LRPAP1: variants seen among roughly 807,000 people sequenced by gnomAD.
LRPAP1 encodes the protein alpha-2-macroglobulin receptor-associated protein.
A neutral mutation model predicts 39.9 loss-of-function variants in LRPAP1; 41 were observed. That is an observed-to-expected ratio of 1.03 (90% CI 0.80 to 1.33). LRPAP1 has a LOEUF of 1.33. LRPAP1 is among the 40% of genes most tolerant of loss of function. The pLI, the probability that LRPAP1 is intolerant of heterozygous loss-of-function variation, is 0.00. For missense variants in LRPAP1, 565 were observed against 482.3 expected (o/e 1.17, Z -1.61); for synonymous variants, 263 against 212.7 (o/e 1.24, Z -2.06).
chr4:3,532,028 C>T, intron 1 of LRPAP1, 181 bp downstream of exon 1: 1 of 681,258 alleles, frequency 1.5e-6, no homozygotes, highest in Non-Finnish European at 2.4e-6. Flanking sequence ...TTTCCTGCTG[C>T]AGAAGGGGTC....
chr4:3,529,877 GAT>G (rs1730197238), intron 1 of LRPAP1, among the ~76,000 whole-genome samples: 1 of 152,200 alleles, frequency 6.6e-6, no homozygotes, highest in African/African-American at 2.4e-5. Context: ...ACAGGGACAC[GAT>G]GTTTTCATGA....
In LRPAP1 at chr4:3,532,399, CT is replaced by C; in HGVS notation, c.13del (p.Arg5GlyfsTer55). 2 of 1,576,198 alleles carry C rather than the reference CT, an allele frequency of 1.3e-6. No individual in the cohort carries two copies. Among genetic ancestry groups the C allele is most frequent in the Non-Finnish European group, 1.7e-6 (2 of 1,162,352 alleles). On this transcript the variant is annotated frameshift_variant, in exon 1 of 8. Coordinates refer to ENST00000650182, the MANE Select transcript of LRPAP1 (RefSeq NM_002337.4). LOFTEE classifies it high-confidence loss of function. ...GAGCCCGCGCAGAAACGACCTGACC[CT>C]CCGCGGCGCCATCTTCCTCTGCGAC... MAPR[R>X]VRSFLRGLPA... is the part of the protein sequence containing the mutation.
At position 3,525,025 on chromosome 4, in the gene LRPAP1, G is replaced by C. The variant is rs377473977; in HGVS notation, c.231C>G (p.Ala77=). The C allele has an allele frequency of 6.6e-5, 107 of 1,613,890 alleles. No individual in the cohort carries two copies. Among genetic ancestry groups the C allele is most frequent in the Middle Eastern group, 1.6e-4 (1 of 6,084 alleles). Residue 77 remains alanine (A), a synonymous_variant, in exon 2 of 8, where the codon GCC becomes GCG. Transcript: ENST00000650182. Reference sequence around the variant, plus strand: ...GTATCTTCAGATCAGCGTGGAGCTCGGCCAGCCTCACGGGAGGAAGATGCA... The same window carrying C: ...GTATCTTCAGATCAGCGTGGAGCTCCGCCAGCCTCACGGGAGGAAGATGCA... The part of the protein sequence containing the change: ...QRLHLPPVRL[A]ELHADLKIQE...
At chr4:3,530,869 T>G (rs1436422816) in intron 1 of LRPAP1, among the ~76,000 whole-genome samples, 1 of 151,962 alleles carries the variant, frequency 6.6e-6, no homozygotes, top group Admixed American at 6.5e-5. Flanking sequence ...TGGGTCCGAG[T>G]GCACTTCCTC....
chr4:3,514,777 C>A lies in LRPAP1; in HGVS notation c.986G>T (p.Gly329Val). 3 of 1,611,248 alleles carry A rather than the reference C, an allele frequency of 1.9e-6. No individual in the cohort carries two copies. In the East Asian group the frequency reaches 6.7e-5, roughly 36 times the overall value. ...RSREKHALLE[G>V]RTKELGYTVK... Reference sequence around the variant, plus strand: ...CGTGTAGCCCAGCTCCTTGGTCCGCCCCTCCAGCAGGGCGTGCTTCTCGCG... The same window carrying A: ...CGTGTAGCCCAGCTCCTTGGTCCGCACCTCCAGCAGGGCGTGCTTCTCGCG... Residue 329 changes from glycine (G) to valine (V), a missense_variant, in exon 7 of 8, where the codon GGG becomes GTG. Gly to Val is a moderately radical substitution (Grantham distance 109, BLOSUM62 -3). Transcript: ENST00000650182.
chr4:3,518,795 G>C lies in LRPAP1; in HGVS notation c.592+76C>G, dbSNP rs921784102. ...GCTGAGGCTGCCCACTGAGCACAAC[G>C]AGCCTCAGGTGCAGGAGGGGTGGGG... On this transcript the variant is annotated intron_variant, in intron 4 of 7. Coordinates refer to ENST00000650182, the MANE Select transcript of LRPAP1 (RefSeq NM_002337.4). 6.2e-4 allele frequency: 628 copies of C among 1,005,894 alleles called. 8 individuals are homozygous for C. The East Asian group carries it at 0.017, about 28-fold the overall frequency. 62.3% of individuals were successfully genotyped at this position (1,005,894 alleles called of 1,614,324 possible). A position where few individuals can be genotyped will look rare whatever the true frequency, so the allele number is the denominator to read the frequency against.
At position 3,525,148 on chromosome 4, in the gene LRPAP1, T is replaced by C. The variant is rs761747271; in HGVS notation, c.205-97A>G. 48 of 1,427,870 alleles carry C rather than the reference T, an allele frequency of 3.4e-5. No homozygotes were observed. In the Admixed American group the frequency reaches 6.6e-4, roughly 20 times the overall value. The allele number at this position is 1,427,870 out of a possible 1,614,324, so 88.5% of individuals were successfully genotyped here. On this transcript the variant is annotated intron_variant, in intron 1 of 7. Coordinates refer to ENST00000650182, the MANE Select transcript of LRPAP1 (RefSeq NM_002337.4). ...GAGGAGGCTGGCCACCGGGAGGTTC[T>C]GGGAGACCAGGAAGAGGTGGAGTCA...
intron 1 of LRPAP1, among the ~76,000 whole-genome samples, chr4:3,527,841 C>G (rs140209183): frequency 0.01 from 1,542 of 152,334 alleles, 28 homozygotes; most frequent in African/African-American, 0.035. Context: ...TCACTGGCTT[C>G]CTGTCTGCCT....
intron 1 of LRPAP1, chr4:3,531,883 A>C (rs774669555): frequency 4.4e-5 from 18 of 405,122 alleles, no homozygotes; most frequent in Non-Finnish European, 7.5e-5. Context: ...CTCGGGAGGC[A>C]GGAGACCTGT....
At chr4:3,530,400 A>AG in intron 1 of LRPAP1, among the ~76,000 whole-genome samples, 1 of 152,360 alleles carries the variant, frequency 6.6e-6, no homozygotes, top group East Asian at 1.9e-4. Context: ...GCTCTCTGGA[A>AG]TGGGGGAAGA....
intron 1 of LRPAP1, among the ~76,000 whole-genome samples, chr4:3,531,549 T>C (rs969416900): frequency 6.6e-6 from 1 of 152,166 alleles, no homozygotes; most frequent in Non-Finnish European, 1.5e-5. Context: ...CACGCACCAA[T>C]TAGGAAGCTG....
At chr4:3,520,875 C>T (rs1729889067) in intron 2 of LRPAP1, among the ~76,000 whole-genome samples, 1 of 152,246 alleles carries the variant, frequency 6.6e-6, no homozygotes, top group Non-Finnish European at 1.5e-5. Context: ...GCCCCGCTTC[C>T]CTAGGGGGGA....
At chr4:3,513,783 C>A (rs1053043074) in intron 7 of LRPAP1, among the ~76,000 whole-genome samples, 2 of 152,230 alleles carry the variant, frequency 1.3e-5, no homozygotes, top group South Asian at 4.1e-4. Flanking sequence ...CTGCGTCAGC[C>A]CAGCCTGGGC....
chr4:3,516,785 T>C (rs954594009), intron 5 of LRPAP1, among the ~76,000 whole-genome samples: 8 of 151,980 alleles, frequency 5.3e-5, no homozygotes, highest in Middle Eastern at 3.4e-3. Context: ...CAGGAGTGAG[T>C]AGTCCAGAGC....
At chr4:3,519,107 C>T in intron 3 of LRPAP1, 116 bp from the exon 4 acceptor site, 4 of 1,497,660 alleles carry the variant, frequency 2.7e-6, no homozygotes, top group African/African-American at 2.8e-5. Flanking sequence ...AGTGCCAGGC[C>T]AGGTTCTTGG....
At position 3,528,798 on chromosome 4, in the gene LRPAP1, C is replaced by T. The variant is rs965900256; in HGVS notation, c.204+3411G>A. Among the ~76,000 whole-genome samples the T allele has an allele frequency of 1.3e-4, 20 of 152,162 alleles. No homozygotes were observed. The East Asian group carries it at 3.3e-3, about 25-fold the overall frequency. On this transcript the variant is annotated intron_variant, in intron 1 of 7. Coordinates refer to ENST00000650182, the MANE Select transcript of LRPAP1 (RefSeq NM_002337.4). ...CCGTGGACAAGGGCACAGCCGTACC[C>T]GCCTTGAGCTGCTGTGAGGTCATGC...
rs569526036 is a variant in LRPAP1, at chr4:3,507,700, T to G, written c.*5274A>C. The G allele has an allele frequency of 2.7e-5, 4 of 149,514 alleles. No individual in the cohort carries two copies. The highest frequency in any genetic ancestry group is 2.7e-4 in the Admixed American group (4 of 15,086). The allele number at this position is 149,514 out of a possible 1,614,324, so 9.3% of individuals were successfully genotyped here. ...GACAGCAAATTGAACACAAAATAGG[T>G]AGAAGAAAGGAAATTCATAAGAAAA... On this transcript the variant is annotated 3_prime_UTR_variant, in exon 8 of 8. Coordinates refer to ENST00000650182, the MANE Select transcript of LRPAP1 (RefSeq NM_002337.4).
chr4:3,516,049 A>ACCCGGAT, intron 6 of LRPAP1, 67 bp downstream of exon 6: 3 of 1,453,840 alleles, frequency 2.1e-6, no homozygotes, highest in Admixed American at 2.0e-5. Flanking sequence ...GCATTTCCTT[A>ACCCGGAT]CCCGGAAACT....
rs1310808083 is a variant in LRPAP1, at chr4:3,505,234, C to T, written c.*7740G>A. 1.3e-5 allele frequency among the ~76,000 whole-genome samples: 2 copies of T among 152,224 alleles called. No homozygotes were observed. Among genetic ancestry groups the T allele is most frequent in the African/African-American group, 2.4e-5 (1 of 41,450 alleles). ...TCGAGGCTGCTCTTCAGCCCCAGCC[C>T]CTGGTGTCCCGCAGCGGCTGCGGTG... On this transcript the variant is annotated 3_prime_UTR_variant, in exon 8 of 8. Transcript: ENST00000650182.
Sources: gnomAD v4.1 joint callset for allele counts (sites outside exome capture counted in the v4.1 genomes callset) on GRCh38, gnomAD v4.1.1 for gene constraint, MANE v1.5 for transcripts, NCBI Gene and HGNC (gene_info 2026-07-23, HGNC 2026-07-21) for gene names.